ASXL1: variants seen among roughly 807,000 people sequenced by gnomAD.
The protein encoded by ASXL1 is ASXL transcriptional regulator 1, also known as polycomb group protein ASXL1.
ASXL1 carries 65 observed loss-of-function variants against 89.1 expected under a neutral mutation model. The ratio of observed to expected loss-of-function variants is 0.73; its 90% CI spans 0.60 to 0.90. ASXL1 has a LOEUF of 0.90. Among genes scored for constraint, ASXL1 ranks in the 40% least tolerant of loss-of-function variants. ASXL1 has a pLI of 0.00. For missense variants in ASXL1, 1,786 were observed against 1,942.9 expected, an observed-to-expected ratio of 0.92 and a Z score of 1.52; for synonymous variants, 739 against 746.9, an observed-to-expected ratio of 0.99 and a Z score of 0.17.
intron 4 of ASXL1, among the ~76,000 whole-genome samples, chr20:32,384,152 TTAG>T (rs1175417040): frequency 6.6e-6 from 1 of 152,010 alleles, no homozygotes; most frequent in African/African-American, 2.4e-5. Flanking sequence ...GAAAGCCTAG[TTAG>T]TAGAGCAGTA....
intron 4 of ASXL1, among the ~76,000 whole-genome samples, chr20:32,378,291 A>G (rs1472611099): frequency 6.6e-6 from 1 of 151,528 alleles, no homozygotes; most frequent in Non-Finnish European, 1.5e-5. Context: ...AAGTGCTAGG[A>G]TTATAGGCGT....
At position 32,436,350 on chromosome 20, in the gene ASXL1, T is replaced by G. The variant is rs2011873933; in HGVS notation, c.3638T>G (p.Leu1213Arg). 1.2e-6 allele frequency: 2 copies of G among 1,613,630 alleles called. No homozygotes were observed. The change falls in exon 13 of 13, where the codon CTC (leucine) becomes CGC (arginine). Residue 1213 changes from leucine (L) to arginine (R), a missense_variant. Physicochemically the swap from Leu to Arg is moderately radical, Grantham distance 102. Around this residue, in one of 3 missense-constraint regions of ASXL1, gnomAD observed 1,418 missense variants for 1,427.8 expected, o/e 0.99. Transcript: ENST00000375687. ...AAGGCAGTCCCAAGTTTTGACTCCC[T>G]CCATCCAGTGACAAATCCCATTACA... Reference protein sequence around the residue: ...NCKAVPSFDSLHPVTNPITSS... With the variant: ...NCKAVPSFDSRHPVTNPITSS...
intron 4 of ASXL1, among the ~76,000 whole-genome samples, chr20:32,384,595 G>C (rs1225532368): frequency 1.3e-5 from 2 of 152,158 alleles, no homozygotes; most frequent in East Asian, 3.8e-4. Context: ...TCAAAAGAAG[G>C]GGTATTCCGT....
At position 32,436,886 on chromosome 20, in the gene ASXL1, C is replaced by G. The variant is rs368624471; in HGVS notation, c.4174C>G (p.Pro1392Ala). Residue 1392 changes from proline (P) to alanine (A), a missense_variant, in exon 13 of 13, where the codon CCC becomes GCC. Coordinates refer to ENST00000375687, the MANE Select transcript of ASXL1 (RefSeq NM_015338.6). ...AENRKATGHSPLELVGHLEGM... is the reference protein window; with the variant it reads ...AENRKATGHSALELVGHLEGM... ...GAACAGGAAAGCTACTGGGCATAGT[C>G]CCCTGGAACTGGTGGGTCACTTGGA... 5 of 1,614,074 alleles carry G rather than the reference C, an allele frequency of 3.1e-6. No individual in the cohort carries two copies. The South Asian group carries it at 5.5e-5, about 18-fold the overall frequency.
At chr20:32,377,509 A>G (rs1299581380) in intron 4 of ASXL1, among the ~76,000 whole-genome samples, 1 of 152,052 alleles carries the variant, frequency 6.6e-6, no homozygotes, top group Non-Finnish European at 1.5e-5. Context: ...TGCTTGAGAC[A>G]TGAAGTGTTT....
In ASXL1 at chr20:32,428,276, G is replaced by T. The variant is rs560053102; in HGVS notation, c.373+28G>T. The T allele has an allele frequency of 1.9e-5, 30 of 1,614,138 alleles. No homozygotes were observed. The East Asian group carries it at 6.2e-4, about 34-fold the overall frequency. The stretch of plus-strand genomic sequence containing the variant: ...AAGGACCCTTTAATGGATGGGTGAG[G>T]GAGCCACAGCAGGCACTAGGGACTA... On this transcript the variant is annotated intron_variant, in intron 5 of 12. Transcript: ENST00000375687.
intron 1 of ASXL1, among the ~76,000 whole-genome samples, chr20:32,365,055 C>T (rs1289004076): frequency 6.6e-6 from 1 of 152,074 alleles, no homozygotes; most frequent in African/African-American, 2.4e-5. Flanking sequence ...GTAGGGAATA[C>T]AGGAAGAAGA....
chr20:32,418,145 T>G (rs1356695316), intron 4 of ASXL1, among the ~76,000 whole-genome samples: 1 of 151,808 alleles, frequency 6.6e-6, no homozygotes, highest in Non-Finnish European at 1.5e-5. Flanking sequence ...GCCACTGTAC[T>G]CCAGCCCAGA....
chr20:32,399,651 G>A (rs1231036351), intron 4 of ASXL1, among the ~76,000 whole-genome samples: 3 of 147,162 alleles, frequency 2.0e-5, no homozygotes, highest in African/African-American at 7.5e-5. Context: ...TTATTTGAAA[G>A]ATTCTATTTC....
chr20:32,374,716 C>T (rs999786680), intron 4 of ASXL1, among the ~76,000 whole-genome samples: 1 of 152,094 alleles, frequency 6.6e-6, no homozygotes, highest in Admixed American at 6.5e-5. Context: ...GTTGTGCAGG[C>T]ATTTAGTTTA....
intron 4 of ASXL1, among the ~76,000 whole-genome samples, chr20:32,384,196 CTG>C (rs1491230437): frequency 1.7e-5 from 2 of 121,022 alleles, no homozygotes; most frequent in Non-Finnish European, 3.4e-5. Context: ...TAGCAGCAGT[CTG>C]TTTTTTTTTT....
chr20:32,435,714 C>T lies in ASXL1; in HGVS notation c.3002C>T (p.Thr1001Ile), dbSNP rs2145376462. 1 of 1,614,208 alleles carries T rather than the reference C, an allele frequency of 6.2e-7. No individual in the cohort carries two copies. The highest frequency in any genetic ancestry group is 2.2e-5 in the East Asian group (1 of 44,886). The change falls in exon 13 of 13, where the codon ACA (threonine) becomes ATA (isoleucine). Residue 1001 changes from threonine to isoleucine, a missense_variant. By Grantham distance (89) the Thr-to-Ile change is moderately conservative. Transcript: ENST00000375687. ...AGTCCTCACGGTGAGTCCACGGATACAGCCTCTGACTTTGAAGGTCACCTC... is the reference window on the plus strand; with the variant it reads ...AGTCCTCACGGTGAGTCCACGGATATAGCCTCTGACTTTGAAGGTCACCTC... ...ALSPHGESTD[T>I]ASDFEGHLTE...
chr20:32,398,562 G>A (rs2048808367), intron 4 of ASXL1, among the ~76,000 whole-genome samples: 1 of 150,862 alleles, frequency 6.6e-6, no homozygotes, highest in Admixed American at 6.6e-5. Context: ...TGGAATCATA[G>A]CGTATGTAGC....
intron 4 of ASXL1, among the ~76,000 whole-genome samples, chr20:32,420,327 CT>C (rs559833866): frequency 6.1e-5 from 9 of 147,358 alleles, no homozygotes; most frequent in Admixed American, 2.0e-4. Context: ...TGATATTTTG[CT>C]TTTTTTTTTA....
intron 4 of ASXL1, among the ~76,000 whole-genome samples, chr20:32,409,763 C>A (rs1352046078): frequency 6.6e-6 from 1 of 151,760 alleles, no homozygotes; most frequent in African/African-American, 2.4e-5. Context: ...AAAAAAAAAA[C>A]TGCATATTTT....
chr20:32,383,646 T>C (rs2048528167), intron 4 of ASXL1, among the ~76,000 whole-genome samples: 3 of 152,120 alleles, frequency 2.0e-5, no homozygotes, highest in South Asian at 2.1e-4. Flanking sequence ...TTGAGTGATA[T>C]ATGGTGGTAC....
In ASXL1 at chr20:32,435,767, A is replaced by G. The variant is rs760148910; in HGVS notation, c.3055A>G (p.Arg1019Gly). The change falls in exon 13 of 13, where the codon AGA becomes GGA. Residue 1019 changes from arginine (R) to glycine (G), a missense_variant. Physicochemically the swap from Arg to Gly is moderately radical, Grantham distance 125 (BLOSUM62 -2). Around this residue, in one of 3 missense-constraint regions of ASXL1, gnomAD observed 1,418 missense variants for 1,427.8 expected, o/e 0.99. Coordinates refer to ENST00000375687, the MANE Select transcript of ASXL1 (RefSeq NM_015338.6). ...LTEDSSEADTREAAVTKGSSV... is the reference protein window; with the variant it reads ...LTEDSSEADTGEAAVTKGSSV... ...GGAGGACAGCAGTGAGGCTGACACTAGAGAAGCTGCAGTGACAAAGGGATC... is the reference window on the plus strand; with the variant it reads ...GGAGGACAGCAGTGAGGCTGACACTGGAGAAGCTGCAGTGACAAAGGGATC... 2.5e-6 allele frequency: 4 copies of G among 1,613,976 alleles called. No individual in the cohort carries two copies. The highest frequency in any genetic ancestry group is 3.4e-6 in the Non-Finnish European group (4 of 1,179,942).
intron 4 of ASXL1, chr20:32,427,397 A>G (rs1404797898): frequency 2.6e-5 from 4 of 152,964 alleles, no homozygotes; most frequent in African/African-American, 7.2e-5. Flanking sequence ...GAAAACTCAA[A>G]TCATTCCTGT....
intron 4 of ASXL1, among the ~76,000 whole-genome samples, chr20:32,397,771 G>T (rs2048795729): frequency 1.3e-5 from 2 of 152,232 alleles, no homozygotes; most frequent in African/African-American, 4.8e-5. Flanking sequence ...GCGTTGGGCC[G>T]CATTGAAAGC....
Sources: allele counts gnomAD v4.1 joint callset (sites outside exome capture counted in the v4.1 genomes callset), GRCh38; gene constraint gnomAD v4.1.1; regional missense constraint gnomAD v4.1.1; transcripts MANE v1.5; gene names NCBI Gene and HGNC (gene_info 2026-07-23, HGNC 2026-07-21).